The following PTPRK variants were observed in gnomAD, a reference collection of about 807,000 sequenced individuals.
PTPRK encodes the protein receptor-type tyrosine-protein phosphatase kappa.
A neutral mutation model predicts 178.0 loss-of-function variants in PTPRK; 75 were observed. The ratio of observed to expected loss-of-function variants is 0.42; its 90% CI spans 0.35 to 0.51. PTPRK has a LOEUF of 0.51. PTPRK is among the 20% of genes least tolerant of loss of function. PTPRK has a pLI of 0.02. For synonymous variants in PTPRK, 637 were observed against 620.6 expected, an observed-to-expected ratio of 1.03 and a Z score of -0.39; for missense variants, 1,441 against 1,797.8, an observed-to-expected ratio of 0.80 and a Z score of 3.59.
At chr6:128,072,201 G>A (rs1006259715) in intron 11 of PTPRK, among the ~76,000 whole-genome samples, 3 of 151,440 alleles carry the variant, frequency 2.0e-5, no homozygotes, top group African/African-American at 7.3e-5. Context: ...TCAATATATT[G>A]GTATCATTAA....
At chr6:128,077,741 A>T (rs1784098486) in intron 11 of PTPRK, among the ~76,000 whole-genome samples, 1 of 152,034 alleles carries the variant, frequency 6.6e-6, no homozygotes, top group Admixed American at 6.6e-5. Flanking sequence ...AACTTGTTTA[A>T]GTTTTGGATA....
chr6:127,975,351 G>A (rs2114610380), intron 27 of PTPRK, among the ~76,000 whole-genome samples: 1 of 152,160 alleles, frequency 6.6e-6, no homozygotes, highest in Admixed American at 6.5e-5. Flanking sequence ...TAACATCTAA[G>A]ATATGCATGA....
intron 21 of PTPRK, among the ~76,000 whole-genome samples, 199 bp downstream of exon 21, chr6:127,990,570 T>C (rs537894168): frequency 6.6e-6 from 1 of 152,156 alleles, no homozygotes; most frequent in African/African-American, 2.4e-5. Context: ...GGCTCTAAGA[T>C]CCACACGAGG....
At chr6:128,335,171 T>C (rs921730890) in intron 2 of PTPRK, among the ~76,000 whole-genome samples, 1 of 152,182 alleles carries the variant, frequency 6.6e-6, no homozygotes, top group Non-Finnish European at 1.5e-5. Context: ...CCACGTTCTG[T>C]CACTTTCCAC....
chr6:128,235,967 T>C (rs1372856191), intron 5 of PTPRK, among the ~76,000 whole-genome samples: 2 of 152,180 alleles, frequency 1.3e-5, no homozygotes, highest in East Asian at 3.8e-4. Context: ...TTTATTACAG[T>C]ATATTGTTAT....
chr6:128,219,115 C>A lies in PTPRK; in HGVS notation c.694-19G>T. 6.3e-7 allele frequency: 1 copy of A among 1,588,126 alleles called. No individual in the cohort carries two copies. Among genetic ancestry groups the A allele is most frequent in the Non-Finnish European group, 8.6e-7 (1 of 1,161,238 alleles). ...TTCGTCTCTGCAAACAGAAACCAAT[C>A]TTTAAAAACAGGTTCTTACTATTTT... On this transcript the variant is annotated intron_variant, in intron 5 of 29. Coordinates refer to ENST00000368226, the MANE Select transcript of PTPRK (RefSeq NM_002844.4).
chr6:128,009,221 T>C lies in PTPRK; in HGVS notation c.2242A>G (p.Thr748Ala). The C allele has an allele frequency of 6.2e-7, 1 of 1,609,246 alleles. No individual in the cohort carries two copies. The highest frequency in any genetic ancestry group is 1.7e-4 in the Middle Eastern group (1 of 6,034). The change falls in exon 14 of 30, where the codon ACA (threonine) becomes GCA (alanine). Residue 748 changes from threonine to alanine, a missense_variant. Physicochemically the swap from Thr to Ala is moderately conservative, Grantham distance 58. Around this residue, in one of 4 missense-constraint regions of PTPRK, gnomAD observed 945 missense variants for 1,080.6 expected, o/e 0.87. Coordinates refer to ENST00000368226, the MANE Select transcript of PTPRK (RefSeq NM_002844.4). The stretch of plus-strand genomic sequence containing the variant: ...CCTGCTATTTTCACCACTCTGTCTG[T>C]CTGCTTGGCGGGATCTGGGATCACT... ...PEVIPDPAKQ[T>A]DRVVKIAGIS...
At chr6:128,141,693 T>C (rs571372337) in intron 7 of PTPRK, among the ~76,000 whole-genome samples, 1 of 151,932 alleles carries the variant, frequency 6.6e-6, no homozygotes, top group Non-Finnish European at 1.5e-5. Context: ...CAGCTAGAGA[T>C]GTATTAACTC....
intron 2 of PTPRK, among the ~76,000 whole-genome samples, chr6:128,338,707 TACTC>T (rs757754939): frequency 2.0e-5 from 3 of 152,128 alleles, no homozygotes; most frequent in Non-Finnish European, 4.4e-5. Context: ...TGCCTCCTCT[TACTC>T]AATAGCTTCC....
intron 27 of PTPRK, among the ~76,000 whole-genome samples, chr6:127,974,107 C>T (rs1293755243): frequency 6.6e-6 from 1 of 152,208 alleles, no homozygotes; most frequent in Admixed American, 6.5e-5. Flanking sequence ...ATTGCCTTCT[C>T]TTTATCACCA....
At chr6:128,080,232 G>A (rs112168509) in intron 10 of PTPRK, among the ~76,000 whole-genome samples, 5,258 of 152,080 alleles carry the variant, frequency 0.035, 160 homozygotes, top group Middle Eastern at 0.092. Flanking sequence ...GCTATAAGCC[G>A]TTGGCTGTGC....
At chr6:127,977,576 T>C (rs1396545160) in intron 25 of PTPRK, among the ~76,000 whole-genome samples, 1 of 152,208 alleles carries the variant, frequency 6.6e-6, no homozygotes, top group Admixed American at 6.5e-5. Flanking sequence ...CTCAAACACT[T>C]GTGCTTTTAC....
intron 1 of PTPRK, among the ~76,000 whole-genome samples, chr6:128,419,484 G>C (rs959763469): frequency 2.0e-5 from 3 of 152,126 alleles, no homozygotes; most frequent in Admixed American, 6.5e-5. Context: ...GCATGGTGGC[G>C]GGCACCTGTA....
intron 7 of PTPRK, among the ~76,000 whole-genome samples, chr6:128,092,027 T>A (rs1052421469): frequency 6.6e-6 from 1 of 151,896 alleles, no homozygotes; most frequent in African/African-American, 2.4e-5. Flanking sequence ...TGTTTTGGTG[T>A]CTTTAAATGC....
intron 2 of PTPRK, among the ~76,000 whole-genome samples, chr6:128,382,230 G>T (rs1838032548): frequency 6.6e-6 from 1 of 150,794 alleles, no homozygotes; most frequent in African/African-American, 2.4e-5. Context: ...GTACCAAAAT[G>T]GTTTATATGA....
chr6:128,002,604 C>T (rs907639378), intron 15 of PTPRK, among the ~76,000 whole-genome samples: 9 of 151,832 alleles, frequency 5.9e-5, no homozygotes, highest in African/African-American at 1.5e-4. Flanking sequence ...AGATGTTATA[C>T]AGTGGTAACC....
intron 14 of PTPRK, chr6:128,006,086 G>T: frequency 1.3e-6 from 2 of 1,528,452 alleles, no homozygotes; most frequent in Non-Finnish European, 1.8e-6. Flanking sequence ...AGTGGAAAAA[G>T]AGAAGCAATG....
chr6:128,073,346 A>C (rs1783183209), intron 11 of PTPRK, among the ~76,000 whole-genome samples: 1 of 152,080 alleles, frequency 6.6e-6, no homozygotes, highest in Non-Finnish European at 1.5e-5. Flanking sequence ...CATATTAAGA[A>C]GGGATAAGTG....
At chr6:128,039,998 A>T (rs552470991) in intron 13 of PTPRK, among the ~76,000 whole-genome samples, 1 of 152,270 alleles carries the variant, frequency 6.6e-6, no homozygotes, top group Non-Finnish European at 1.5e-5. Flanking sequence ...TTCTAAATTT[A>T]AAAAAAGCAA....
Sources: allele counts gnomAD v4.1 joint callset (sites outside exome capture counted in the v4.1 genomes callset), GRCh38; gene constraint gnomAD v4.1.1; regional missense constraint gnomAD v4.1.1; transcripts MANE v1.5; gene names NCBI Gene and HGNC (gene_info 2026-07-23, HGNC 2026-07-21).